Variants in PHACTR1 observed in about 807,000 individuals in gnomAD.
PHACTR1 encodes phosphatase and actin regulator 1, also known as RPEL repeat containing 1.
Under a neutral mutation model 69.2 loss-of-function variants are expected in PHACTR1, and 16 were observed. That is an observed-to-expected ratio of 0.23 (90% CI 0.16 to 0.35). The LOEUF (loss-of-function observed/expected upper bound fraction) is 0.35, where lower values mean the gene tolerates loss of function less well. Among genes scored for constraint, PHACTR1 ranks in the 10% least tolerant of loss-of-function variants. The pLI is 1.00. For synonymous variants in PHACTR1, 312 were observed against 284.5 expected (o/e 1.10, Z -0.97); for missense variants, 510 against 734.7 (o/e 0.69, Z 3.54).
intron 4 of PHACTR1, among the ~76,000 whole-genome samples, chr6:12,764,460 G>T (rs1361272506): frequency 6.6e-6 from 1 of 152,010 alleles, no homozygotes; most frequent in East Asian, 1.9e-4. Flanking sequence ...GGTTTTTCTT[G>T]GTGACTTAAG....
At chr6:13,181,403 C>A (rs541896773) in intron 6 of PHACTR1, among the ~76,000 whole-genome samples, 1 of 152,292 alleles carries the variant, frequency 6.6e-6, no homozygotes, top group Admixed American at 6.5e-5. Context: ...GTTTCTGACT[C>A]GGCAGAACTT....
At chr6:13,268,015 T>G (rs1002694191) in intron 10 of PHACTR1, among the ~76,000 whole-genome samples, 1 of 151,980 alleles carries the variant, frequency 6.6e-6, no homozygotes, top group Non-Finnish European at 1.5e-5. Context: ...ACCTGTAATC[T>G]CAGCACTCTG....
At position 13,279,118 on chromosome 6, in the gene PHACTR1, A is replaced by G. The variant is rs533182538; in HGVS notation, c.1509+789A>G. Among the ~76,000 whole-genome samples the G allele has an allele frequency of 2.0e-5, 3 of 151,778 alleles. No individual in the cohort carries two copies. The East Asian group carries it at 5.8e-4, about 29-fold the overall frequency. On this transcript the variant is annotated intron_variant, in intron 12 of 14. Transcript: ENST00000332995. ...CTTTATTAGGCTAAATTACGAAAGT[A>G]CTGACAAATTTAAAGCAGATGTTTG...
intron 4 of PHACTR1, among the ~76,000 whole-genome samples, chr6:12,977,418 C>G (rs1795030406): frequency 1.3e-5 from 2 of 150,908 alleles, no homozygotes; most frequent in Admixed American, 6.6e-5. Flanking sequence ...CACATTTAAA[C>G]AAGACATTCA....
chr6:13,041,634 A>G (rs1299650113), intron 4 of PHACTR1, among the ~76,000 whole-genome samples: 1 of 152,250 alleles, frequency 6.6e-6, no homozygotes, highest in African/African-American at 2.4e-5. Context: ...GTTCTCTATC[A>G]TCCTACACTT....
intron 8 of PHACTR1, among the ~76,000 whole-genome samples, chr6:13,213,646 TCCTCCCTCATGAACGACATTAAGAC>T (rs1310866754): frequency 6.6e-6 from 1 of 152,124 alleles, no homozygotes; most frequent in East Asian, 1.9e-4. Context: ...CCATGAGGGC[TCCTCCCTCATGAACGACATTAAGAC>T]CCTTGTGAAC....
intron 4 of PHACTR1, among the ~76,000 whole-genome samples, chr6:12,826,155 A>G (rs547694264): frequency 2.1e-4 from 32 of 152,356 alleles, no homozygotes; most frequent in African/African-American, 6.5e-4. Context: ...CAAGAAAGCC[A>G]ATAGAGGGTA....
At chr6:12,893,034 A>G (rs907497066) in intron 4 of PHACTR1, among the ~76,000 whole-genome samples, 16 of 152,214 alleles carry the variant, frequency 1.1e-4, no homozygotes, top group Admixed American at 6.5e-5. Context: ...TCTTGGCAAT[A>G]TAGTGTCCAG....
At chr6:12,809,956 G>A (rs1258695591) in intron 4 of PHACTR1, among the ~76,000 whole-genome samples, 1 of 152,140 alleles carries the variant, frequency 6.6e-6, no homozygotes, top group African/African-American at 2.4e-5. Flanking sequence ...ATACTCAAAA[G>A]GAAGGTGTCT....
intron 11 of PHACTR1, among the ~76,000 whole-genome samples, chr6:13,276,963 A>G (rs1477840533): frequency 3.3e-5 from 5 of 152,314 alleles, no homozygotes; most frequent in East Asian, 3.9e-4. Context: ...GATGCACCCT[A>G]TGCCAAAATC....
intron 6 of PHACTR1, 54 bp downstream of exon 6, chr6:13,160,338 C>T (rs1401517263): frequency 2.8e-6 from 4 of 1,444,124 alleles, no homozygotes; most frequent in South Asian, 1.1e-5. Context: ...GTGGAATCTG[C>T]ATGCATATTG....
chr6:13,262,371 A>T (rs4715202), intron 10 of PHACTR1, among the ~76,000 whole-genome samples: 66,855 of 152,078 alleles, frequency 0.44, 18,120 homozygotes, highest in Non-Finnish European at 0.62. Flanking sequence ...CCATAGGAGT[A>T]CAAGACAGCA....
chr6:13,147,435 A>G (rs75398021), intron 5 of PHACTR1, among the ~76,000 whole-genome samples: 349 of 152,266 alleles, frequency 2.3e-3, no homozygotes, highest in African/African-American at 7.8e-3. Flanking sequence ...AGTCAATCCT[A>G]TTTTCCAAAT....
intron 4 of PHACTR1, among the ~76,000 whole-genome samples, chr6:12,944,792 T>TATTTATTTA (rs1562038186): frequency 8.2e-5 from 12 of 147,090 alleles, no homozygotes; most frequent in African/African-American, 3.1e-4. Context: ...TATTTATTTT[T>TATTTATTTA]TTTTTTTTGA....
At chr6:13,037,699 T>G (rs1045674273) in intron 4 of PHACTR1, among the ~76,000 whole-genome samples, 1 of 152,092 alleles carries the variant, frequency 6.6e-6, no homozygotes, top group Non-Finnish European at 1.5e-5. Context: ...GAGGACCCAT[T>G]GGGGGATTCA....
At chr6:12,845,425 A>G (rs868326866) in intron 4 of PHACTR1, among the ~76,000 whole-genome samples, 4,253 of 14,820 alleles carry the variant, frequency 0.29, 507 homozygotes, top group Middle Eastern at 0.39. Context: ...TGTGAACACC[A>G]CCCACCCCCC....
At chr6:12,898,624 A>T (rs1157055785) in intron 4 of PHACTR1, among the ~76,000 whole-genome samples, 1 of 152,030 alleles carries the variant, frequency 6.6e-6, no homozygotes, top group Non-Finnish European at 1.5e-5. Context: ...ACTGACATTG[A>T]CTCGCACTGG....
intron 10 of PHACTR1, among the ~76,000 whole-genome samples, chr6:13,244,169 A>T (rs1773250635): frequency 6.6e-6 from 1 of 152,158 alleles, no homozygotes. Flanking sequence ...ATGATGCCCC[A>T]CAAGCCACAA....
intron 4 of PHACTR1, among the ~76,000 whole-genome samples, chr6:12,853,555 A>G (rs955945016): frequency 6.6e-6 from 1 of 152,192 alleles, no homozygotes; most frequent in African/African-American, 2.4e-5. Context: ...ATAAAGACAT[A>G]CCCAAGACTG....
Sources: allele counts gnomAD v4.1 joint callset (sites outside exome capture counted in the v4.1 genomes callset), GRCh38; gene constraint gnomAD v4.1.1; transcripts MANE v1.5; gene names NCBI Gene and HGNC (gene_info 2026-07-23, HGNC 2026-07-21).